Variants in PTGR1 observed in about 807,000 individuals in gnomAD.
The protein encoded by PTGR1 is 15-oxoprostaglandin 13-reductase.
In PTGR1, 23 loss-of-function variants were observed where a neutral mutation model predicts 37.7. The observed-to-expected ratio is 0.61, with a 90% CI of 0.44 to 0.86. PTGR1 has a LOEUF of 0.86. PTGR1 is among the 40% of genes least tolerant of loss of function. The pLI, the probability that PTGR1 is intolerant of heterozygous loss-of-function variation, is 0.00. For missense variants in PTGR1, 351 were observed against 394.3 expected, an observed-to-expected ratio of 0.89 and a Z score of 0.93; for synonymous variants, 134 against 140.0, an observed-to-expected ratio of 0.96 and a Z score of 0.30.
intron 5 of PTGR1, 97 bp downstream of exon 5, chr9:111,585,901 A>G (rs900008765): frequency 7.1e-7 from 1 of 1,409,484 alleles, no homozygotes; most frequent in African/African-American, 1.4e-5. Flanking sequence ...CCTATCATGC[A>G]TCAAATATCT....
At position 111,574,611 on chromosome 9, in the gene PTGR1, A is replaced by G. The variant is rs1828975505; in HGVS notation, c.760+123T>C. ...CAAAGTGAGACTCTGTCTTAAAAAAAAAAAAAAAAGAATATATGAAAATCT... is the reference window on the plus strand; with the variant it reads ...CAAAGTGAGACTCTGTCTTAAAAAAGAAAAAAAAAGAATATATGAAAATCT... On this transcript the variant is annotated intron_variant, in intron 8 of 9. Coordinates refer to ENST00000407693, the MANE Select transcript of PTGR1 (RefSeq NM_001146108.2). The G allele has an allele frequency of 4.3e-6, 3 of 693,408 alleles. No homozygotes were observed. In the South Asian group the frequency reaches 7.0e-5, roughly 16 times the overall value. 43.0% of individuals were successfully genotyped at this position (693,408 alleles called of 1,614,324 possible). A position where few individuals can be genotyped will look rare whatever the true frequency, so the allele number is the denominator to read the frequency against.
intron 2 of PTGR1, 72 bp from the exon 3 acceptor site, chr9:111,594,339 C>G (rs886860091): frequency 3.7e-6 from 5 of 1,363,588 alleles, no homozygotes; most frequent in Non-Finnish European, 5.2e-6. Context: ...CTGAGCACCA[C>G]TAGACAGGAG....
intron 8 of PTGR1, among the ~76,000 whole-genome samples, chr9:111,573,857 T>C (rs370420174): frequency 4.6e-5 from 7 of 152,122 alleles, no homozygotes; most frequent in African/African-American, 1.7e-4. Context: ...AGGGATGTGG[T>C]TTCAGCATAA....
At chr9:111,560,944 AATATATATATAT>A (rs746101013), downstream of PTGR1, among the ~76,000 whole-genome samples, 105 of 31,190 alleles carry the variant, frequency 3.4e-3, 2 homozygotes, top group Middle Eastern at 0.013. Flanking sequence ...CTCCATCTAA[AATATATATATAT>A]ATATATATAT....
At chr9:111,560,972 TATAGAGAGAGAGAGAG>T (rs1484814679), downstream of PTGR1, among the ~76,000 whole-genome samples, 1 of 21,320 alleles carries the variant, frequency 4.7e-5, no homozygotes, top group Non-Finnish European at 8.5e-5. Flanking sequence ...TATATATATA[TATAGAGAGAGAGAGAG>T]AGAGAGAGAG....
Position 111,589,007 on chromosome 9 carries a change from T to C in PTGR1, c.210-2842A>G, listed in dbSNP as rs192663463. On this transcript the variant is annotated intron_variant, in intron 4 of 9. Coordinates refer to ENST00000407693, the MANE Select transcript of PTGR1 (RefSeq NM_001146108.2). ...AATGGTATTACTAGGTCAAAGAGTATTAAAACATTTGTAACTCTTGCTGCA... is the reference window on the plus strand; with the variant it reads ...AATGGTATTACTAGGTCAAAGAGTACTAAAACATTTGTAACTCTTGCTGCA... Among the ~76,000 whole-genome samples, 247 of 152,316 alleles carry C rather than the reference T, an allele frequency of 1.6e-3. 1 individual carries two copies. The highest frequency in any genetic ancestry group is 4.4e-3 in the Admixed American group (68 of 15,286).
chr9:111,593,153 T>C (rs998948804), intron 3 of PTGR1, among the ~76,000 whole-genome samples, 171 bp from the exon 4 acceptor site: 3 of 151,908 alleles, frequency 2.0e-5, no homozygotes, highest in African/African-American at 4.8e-5. Context: ...TACAACTAGG[T>C]GAGATACAGG....
At chr9:111,556,844 T>C (rs958959499) in intron 9 of PTGR1, among the ~76,000 whole-genome samples, 1 of 152,246 alleles carries the variant, frequency 6.6e-6, no homozygotes, top group Non-Finnish European at 1.5e-5. Context: ...CCCCCAGCCA[T>C]GCTTCCTGTA....
chr9:111,552,727 A>G (rs1828005874), intron 9 of PTGR1, among the ~76,000 whole-genome samples: 2 of 152,214 alleles, frequency 1.3e-5, no homozygotes, highest in South Asian at 4.1e-4. Context: ...TGTATCAAAC[A>G]GTTCATCTAA....
rs1564619181 is a variant in PTGR1, at chr9:111,583,546, C to CCTT, written c.418_420dup (p.Lys140dup). 1 of 1,614,068 alleles carries CCTT rather than the reference C, an allele frequency of 6.2e-7. No homozygotes were observed. The highest frequency in any genetic ancestry group is 8.5e-7 in the Non-Finnish European group (1 of 1,179,920). ...GCATTAACCATCACTGTTTCTCCACCCTTCACACCACAGATTTCAAGTAGG... is the reference window on the plus strand; with the variant it reads ...GCATTAACCATCACTGTTTCTCCACCCTTCTTCACACCACAGATTTCAAGTAGG... On this transcript the variant is annotated inframe_insertion, in exon 6 of 10. Coordinates refer to ENST00000407693, the MANE Select transcript of PTGR1 (RefSeq NM_001146108.2).
chr9:111,561,968 G>A (rs926720150), downstream of PTGR1, among the ~76,000 whole-genome samples: 7 of 149,074 alleles, frequency 4.7e-5, no homozygotes, highest in South Asian at 2.1e-4. Context: ...TCACTGCAAC[G>A]TCTGCCTCCT....
At chr9:111,564,204 T>C in intron 9 of PTGR1, 1 of 1,068,976 alleles carries the variant, frequency 9.4e-7, no homozygotes, top group Non-Finnish European at 1.2e-6. Context: ...CTTAGCACTC[T>C]TCATGGATTT....
chr9:111,589,228 G>T (rs991281326), intron 4 of PTGR1: 12 of 207,988 alleles, frequency 5.8e-5, no homozygotes, highest in Non-Finnish European at 9.2e-5. Context: ...ACTGTTAATG[G>T]GATATAAGAC....
chr9:111,562,695 A>AC lies in PTGR1; in HGVS notation c.*425dup, dbSNP rs1564608848. 1 of 158,046 alleles carries AC rather than the reference A, an allele frequency of 6.3e-6. No homozygotes were observed. The highest frequency in any genetic ancestry group is 1.4e-5 in the Non-Finnish European group (1 of 71,808). 9.8% of individuals were successfully genotyped at this position (158,046 alleles called of 1,614,324 possible). The stretch of plus-strand genomic sequence containing the variant: ...GGTTTGCTTCACCTGTCAACCCATC[A>AC]CCTAGGTATTAGCCCCCGAAGGCAT... On this transcript the variant is annotated 3_prime_UTR_variant, in exon 10 of 10. Coordinates refer to ENST00000407693, the MANE Select transcript of PTGR1 (RefSeq NM_001146108.2).
At chr9:111,577,943 ACTT>A (rs1210465935) in intron 7 of PTGR1, 7 of 152,114 alleles carry the variant, frequency 4.6e-5, no homozygotes, top group African/African-American at 1.7e-4. Flanking sequence ...ATAAGAGACC[ACTT>A]TTAGTGGGGA....
chr9:111,598,602 C>T (rs1171358447), intron 1 of PTGR1, among the ~76,000 whole-genome samples: 1 of 152,190 alleles, frequency 6.6e-6, no homozygotes, highest in Non-Finnish European at 1.5e-5. Flanking sequence ...TCAAGCGGTT[C>T]TCCTGTCTCA....
chr9:111,560,715 G>T (rs1224169602), downstream of PTGR1, among the ~76,000 whole-genome samples: 1 of 148,554 alleles, frequency 6.7e-6, no homozygotes, highest in Non-Finnish European at 1.5e-5. Flanking sequence ...AGGCCGAGGT[G>T]GCCGGATCAC....
intron 2 of PTGR1, among the ~76,000 whole-genome samples, chr9:111,594,471 C>T (rs774909190): frequency 5.3e-5 from 8 of 151,398 alleles, no homozygotes; most frequent in South Asian, 4.2e-4. Context: ...AACAAGCCTG[C>T]ATATGTACCC....
intron 9 of PTGR1, chr9:111,563,465 T>G: frequency 2.5e-6 from 1 of 399,148 alleles, no homozygotes; most frequent in Non-Finnish European, 4.4e-6. Flanking sequence ...CGGATCATAG[T>G]GCGAAATGTC....
Sources: gnomAD v4.1 joint callset for allele counts (sites outside exome capture counted in the v4.1 genomes callset) on GRCh38, gnomAD v4.1.1 for gene constraint, MANE v1.5 for transcripts, NCBI Gene and HGNC (gene_info 2026-07-23, HGNC 2026-07-21) for gene names.